The following PTPRJ variants were observed in gnomAD, a reference collection of about 807,000 sequenced individuals.
PTPRJ encodes receptor-type tyrosine-protein phosphatase eta.
PTPRJ carries 129 observed loss-of-function variants against 141.3 expected under a neutral mutation model. That is an observed-to-expected ratio of 0.91 (90% CI 0.79 to 1.06). PTPRJ has a LOEUF of 1.06. Ranked by LOEUF, PTPRJ falls within the 50% of genes least tolerant of loss-of-function variation. PTPRJ has a pLI of 0.00. For synonymous variants in PTPRJ, 610 were observed against 640.5 expected (o/e 0.95, Z 0.72); for missense variants, 1,601 against 1,679.7 (o/e 0.95, Z 0.82).
intron 1 of PTPRJ, among the ~76,000 whole-genome samples, chr11:48,040,960 T>G (rs539561023): frequency 3.3e-5 from 5 of 152,212 alleles, no homozygotes; most frequent in Admixed American, 2.6e-4. Flanking sequence ...CCTGCACATG[T>G]GCACTGCCCT....
At position 48,143,011 on chromosome 11, in the gene PTPRJ, C is replaced by G. The variant is rs1426197031; in HGVS notation, c.2536C>G (p.Pro846Ala). 2 of 1,614,168 alleles carry G rather than the reference C, an allele frequency of 1.2e-6. No individual in the cohort carries two copies. The highest frequency in any genetic ancestry group is 3.3e-5 in the Admixed American group (2 of 60,014). The change falls in exon 12 of 25, where the codon CCC becomes GCC. Residue 846 changes from proline (P) to alanine (A), a missense_variant. Coordinates refer to ENST00000418331, the MANE Select transcript of PTPRJ (RefSeq NM_002843.4). ...CAGTGGATTTGAAGCCAGCCACGGACCCATCAAAGCCTATGCTGTCATTCT... is the reference window on the plus strand; with the variant it reads ...CAGTGGATTTGAAGCCAGCCACGGAGCCATCAAAGCCTATGCTGTCATTCT... ...KFSGFEASHGPIKAYAVILTT... is the reference protein window; with the variant it reads ...KFSGFEASHGAIKAYAVILTT...
chr11:48,001,675 T>G (rs1015867417), intron 1 of PTPRJ, among the ~76,000 whole-genome samples: 3 of 152,178 alleles, frequency 2.0e-5, no homozygotes, highest in Non-Finnish European at 4.4e-5. Flanking sequence ...GGTAGGTCTC[T>G]TCTCTTCTTG....
chr11:48,023,568 G>A (rs1853716321), intron 1 of PTPRJ, among the ~76,000 whole-genome samples: 4 of 152,118 alleles, frequency 2.6e-5, no homozygotes, highest in African/African-American at 9.7e-5. Flanking sequence ...CCAATCGTGA[G>A]GTCAGGAGTT....
At chr11:47,984,766 C>T (rs2134171841) in intron 1 of PTPRJ, among the ~76,000 whole-genome samples, 1 of 152,132 alleles carries the variant, frequency 6.6e-6, no homozygotes, top group Middle Eastern at 3.4e-3. Context: ...ACCATGTTGG[C>T]CAGGCTGGTC....
intron 1 of PTPRJ, among the ~76,000 whole-genome samples, chr11:48,079,552 T>TG (rs942755429): frequency 2.6e-5 from 4 of 152,002 alleles, no homozygotes; most frequent in Non-Finnish European, 5.9e-5. Flanking sequence ...TGGACAAGAC[T>TG]GGGTAGTGAA....
At chr11:48,076,891 G>C (rs2134279999) in intron 1 of PTPRJ, among the ~76,000 whole-genome samples, 1 of 151,880 alleles carries the variant, frequency 6.6e-6, no homozygotes, top group Middle Eastern at 3.4e-3. Flanking sequence ...TTTTGAGATG[G>C]AGTTTCGCTC....
intron 1 of PTPRJ, among the ~76,000 whole-genome samples, chr11:48,101,742 C>T (rs754566411): frequency 6.6e-5 from 10 of 152,144 alleles, no homozygotes; most frequent in African/African-American, 9.7e-5. Flanking sequence ...TGTTTTTATC[C>T]GTATTCTAAG....
chr11:48,035,546 T>C (rs1854102461), intron 1 of PTPRJ, among the ~76,000 whole-genome samples: 1 of 140,202 alleles, frequency 7.1e-6, no homozygotes, highest in African/African-American at 2.6e-5. Flanking sequence ...TTCTTTTTTT[T>C]TTTTTTTTTT....
rs377295343 is a variant in PTPRJ, at chr11:48,084,535, A to AG, written c.97-25518dup. On this transcript the variant is annotated intron_variant, in intron 1 of 24. Transcript: ENST00000418331. ...CAATCAGGTTTGATTATGCAAATGA[A>AG]GGGGGCGGGTCAAACTTGCTTAGTT... is the stretch of plus-strand genomic sequence containing the variant. Among the ~76,000 whole-genome samples the AG allele has an allele frequency of 1.1e-3, 169 of 152,298 alleles. 1 individual carries two copies. The highest frequency in any genetic ancestry group is 3.9e-3 in the African/African-American group (164 of 41,558).
At chr11:48,040,361 G>A (rs943937806) in intron 1 of PTPRJ, among the ~76,000 whole-genome samples, 1 of 152,164 alleles carries the variant, frequency 6.6e-6, no homozygotes, top group African/African-American at 2.4e-5. Flanking sequence ...GCCCAAATTT[G>A]GCTAGTCTCC....
intron 8 of PTPRJ, chr11:48,131,633 C>T (rs1273177593): frequency 2.8e-6 from 2 of 718,198 alleles, no homozygotes; most frequent in Non-Finnish European, 5.2e-6. Context: ...GGATCACAGC[C>T]ATGTTCATTT....
At chr11:48,034,313 T>G (rs188537113) in intron 1 of PTPRJ, among the ~76,000 whole-genome samples, 59 of 152,306 alleles carry the variant, frequency 3.9e-4, no homozygotes, top group African/African-American at 1.3e-3. Flanking sequence ...TCTTTTATTT[T>G]AAAGGAAACC....
At chr11:48,015,241 G>A (rs1388024072) in intron 1 of PTPRJ, among the ~76,000 whole-genome samples, 1 of 151,970 alleles carries the variant, frequency 6.6e-6, no homozygotes, top group Non-Finnish European at 1.5e-5. Context: ...GAATCAGGCC[G>A]GGAAAGAGGT....
At chr11:48,142,376 T>C (rs1857252021) in intron 11 of PTPRJ, among the ~76,000 whole-genome samples, 1 of 152,204 alleles carries the variant, frequency 6.6e-6, no homozygotes, top group South Asian at 2.1e-4. Flanking sequence ...TTATATTCTG[T>C]AAAAATTGCC....
chr11:48,051,093 T>TG (rs1183713194), intron 1 of PTPRJ, among the ~76,000 whole-genome samples: 1 of 129,114 alleles, frequency 7.7e-6, no homozygotes, highest in African/African-American at 2.9e-5. Context: ...ACTTTTTTTT[T>TG]TTTTTTTTTT....
At chr11:48,013,284 G>C (rs1172351944) in intron 1 of PTPRJ, among the ~76,000 whole-genome samples, 1 of 152,048 alleles carries the variant, frequency 6.6e-6, no homozygotes, top group Non-Finnish European at 1.5e-5. Context: ...CATGAATCTG[G>C]TGGCTGTGTA....
At chr11:48,066,367 T>G (rs1000165551) in intron 1 of PTPRJ, among the ~76,000 whole-genome samples, 1 of 152,070 alleles carries the variant, frequency 6.6e-6, no homozygotes, top group Non-Finnish European at 1.5e-5. Flanking sequence ...ATCATAAATA[T>G]GTAGTTACCC....
At chr11:48,098,500 T>TTCAAA (rs1856072427) in intron 1 of PTPRJ, among the ~76,000 whole-genome samples, 1 of 150,396 alleles carries the variant, frequency 6.6e-6, no homozygotes. Flanking sequence ...GGACCCACAT[T>TTCAAA]TCAAATCATT....
chr11:48,008,872 G>A (rs965785344), intron 1 of PTPRJ, among the ~76,000 whole-genome samples: 2 of 152,082 alleles, frequency 1.3e-5, no homozygotes, highest in African/African-American at 4.8e-5. Context: ...GCCACACCCC[G>A]GTTTATTGCA....
Sources: gnomAD v4.1 joint callset for allele counts (sites outside exome capture counted in the v4.1 genomes callset) on GRCh38, gnomAD v4.1.1 for gene constraint, MANE v1.5 for transcripts, NCBI Gene and HGNC (gene_info 2026-07-23, HGNC 2026-07-21) for gene names.